PCDHA10: variants seen among roughly 807,000 people sequenced by gnomAD.
PCDHA10 encodes the protein protocadherin alpha-10.
A neutral mutation model predicts 61.2 loss-of-function variants in PCDHA10; 45 were observed. The ratio of observed to expected loss-of-function variants is 0.74; its 90% CI spans 0.58 to 0.94. PCDHA10 has a LOEUF of 0.94. PCDHA10 is among the 40% of genes least tolerant of loss of function. The pLI is 0.00. For synonymous variants in PCDHA10, 602 were observed against 548.8 expected (o/e 1.10, Z -1.35); for missense variants, 1,278 against 1,236.2 (o/e 1.03, Z -0.51).
intron 1 of PCDHA10, among the ~76,000 whole-genome samples, chr5:140,977,055 A>T (rs1220462981): frequency 1.3e-5 from 2 of 152,234 alleles, no homozygotes; most frequent in African/African-American, 4.8e-5. Flanking sequence ...CTGATGGACT[A>T]GTATAGAAAA....
At chr5:140,863,770 G>C (rs953823411) in intron 1 of PCDHA10, 1 of 240,010 alleles carries the variant, frequency 4.2e-6, no homozygotes, top group African/African-American at 2.3e-5. Context: ...AAGCCGAGGC[G>C]GGCGGATCAC....
chr5:140,969,257 A>G, intron 1 of PCDHA10: 1 of 1,614,220 alleles, frequency 6.2e-7, no homozygotes, highest in Non-Finnish European at 8.5e-7. Context: ...TGACAGCAGG[A>G]ATCTCACAGG....
At chr5:140,866,876 T>A (rs1554160645) in intron 1 of PCDHA10, 2 of 152,134 alleles carry the variant, frequency 1.3e-5, no homozygotes, top group African/African-American at 4.8e-5. Context: ...CTTCTTGGTA[T>A]TAGCCTATAC....
At chr5:141,002,726 A>C (rs1488452359) in intron 3 of PCDHA10, among the ~76,000 whole-genome samples, 1 of 152,250 alleles carries the variant, frequency 6.6e-6, no homozygotes, top group Non-Finnish European at 1.5e-5. Context: ...GGAAGGGCAC[A>C]GTAAATGTTA....
In PCDHA10 at chr5:141,011,970, C is replaced by T. The variant is rs975637071; in HGVS notation, c.*2033C>T. ...AGCATTAAATTTAAAAAAAAACTGT[C>T]TTGTCTACTTTTAGCTTCATTCTCC... On this transcript the variant is annotated 3_prime_UTR_variant, in exon 4 of 4. Coordinates refer to ENST00000307360, the MANE Select transcript of PCDHA10 (RefSeq NM_018901.4). 6.5e-6 allele frequency: 1 copy of T among 153,576 alleles called. No homozygotes were observed. Among genetic ancestry groups the T allele is most frequent in the African/African-American group, 2.4e-5 (1 of 41,406 alleles). The allele number at this position is 153,576 out of a possible 1,614,324, so 9.5% of individuals were successfully genotyped here.
intron 1 of PCDHA10, chr5:140,870,093 A>G (rs1554163808): frequency 6.8e-6 from 11 of 1,613,930 alleles, no homozygotes; most frequent in Non-Finnish European, 9.3e-6. Context: ...CCCCAATGGC[A>G]GGTCACTGTA....
chr5:140,943,574 G>C (rs1424164723), intron 1 of PCDHA10, among the ~76,000 whole-genome samples: 1 of 152,154 alleles, frequency 6.6e-6, no homozygotes, highest in African/African-American at 2.4e-5. Context: ...TTAATTTGTT[G>C]ATCTGAGTGG....
At chr5:140,922,107 T>C (rs1250364037) in intron 1 of PCDHA10, among the ~76,000 whole-genome samples, 1 of 152,028 alleles carries the variant, frequency 6.6e-6, no homozygotes, top group East Asian at 1.9e-4. Context: ...TATAGATAAA[T>C]GAAAATTCAC....
At chr5:140,955,929 C>T (rs567378851) in intron 1 of PCDHA10, among the ~76,000 whole-genome samples, 1 of 152,252 alleles carries the variant, frequency 6.6e-6, no homozygotes, top group East Asian at 1.9e-4. Flanking sequence ...GGAGTTCATT[C>T]ATAATATGGC....
At chr5:140,986,181 G>A (rs531382269) in intron 3 of PCDHA10, among the ~76,000 whole-genome samples, 1 of 152,152 alleles carries the variant, frequency 6.6e-6, no homozygotes, top group Admixed American at 6.6e-5. Flanking sequence ...AACAAGTCAG[G>A]CATTAAATTG....
At position 140,875,743 on chromosome 5, in the gene PCDHA10, G is replaced by T. The variant is rs782705899; in HGVS notation, c.2388+17307G>T. ...CATTTTGTTTGTGAATTCTCGGATCGACCGCGAGAAGCTGTGCGGGCGGAG... is the reference window on the plus strand; with the variant it reads ...CATTTTGTTTGTGAATTCTCGGATCTACCGCGAGAAGCTGTGCGGGCGGAG... On this transcript the variant is annotated intron_variant, in intron 1 of 3. Coordinates refer to ENST00000307360, the MANE Select transcript of PCDHA10 (RefSeq NM_018901.4). 1.8e-5 allele frequency: 29 copies of T among 1,614,226 alleles called. No individual in the cohort carries two copies. The highest frequency in any genetic ancestry group is 2.2e-5 in the Non-Finnish European group (26 of 1,180,038).
chr5:140,945,079 T>C (rs1554216701), intron 1 of PCDHA10, among the ~76,000 whole-genome samples: 1 of 152,126 alleles, frequency 6.6e-6, no homozygotes, highest in South Asian at 2.1e-4. Context: ...ACCAAAACAC[T>C]CTTGGAACTA....
rs73793533 is a variant in PCDHA10 at position 140,949,932 on chromosome 5, T to A, written c.2389-29017T>A. On this transcript the variant is annotated intron_variant, in intron 1 of 3. Transcript: ENST00000307360. Reference sequence around the variant, plus strand: ...GATATAACTATTTTTAGATTTTTTTTAATTTGCATTTTTTAGTGGTTGCTG... The same window carrying A: ...GATATAACTATTTTTAGATTTTTTTAAATTTGCATTTTTTAGTGGTTGCTG... Among the ~76,000 whole-genome samples, 1,356 of 151,758 alleles carry A rather than the reference T, an allele frequency of 8.9e-3. 15 individuals carry two copies. The highest frequency in any genetic ancestry group is 0.032 in the African/African-American group (1,309 of 41,514).
intron 3 of PCDHA10, among the ~76,000 whole-genome samples, chr5:140,997,912 A>G (rs2097790316): frequency 6.6e-6 from 1 of 152,224 alleles, no homozygotes; most frequent in Admixed American, 6.5e-5. Flanking sequence ...GTAGAATTAC[A>G]GAATCATAGG....
rs188637090 is a variant in PCDHA10 at position 140,876,765 on chromosome 5, C to T, written c.2388+18329C>T. 1,055 of 1,614,234 alleles carry T rather than the reference C, an allele frequency of 6.5e-4. 5 individuals are homozygous for T. The African/African-American group carries it at 0.01, about 15-fold the overall frequency. ...TGGTGGTGACTGCGCGGGATGGGGG[C>T]TCGCCTTCGCTGTGGGCCACGGCTA... On this transcript the variant is annotated intron_variant, in intron 1 of 3. Transcript: ENST00000307360.
intron 1 of PCDHA10, among the ~76,000 whole-genome samples, chr5:140,954,720 T>C (rs1255262640): frequency 1.3e-5 from 2 of 152,168 alleles, no homozygotes; most frequent in African/African-American, 4.8e-5. Context: ...ATTCTGTAGG[T>C]TGTCTTTTCA....
intron 3 of PCDHA10, among the ~76,000 whole-genome samples, chr5:140,991,361 G>C (rs1183124741): frequency 6.6e-6 from 1 of 152,200 alleles, no homozygotes; most frequent in Non-Finnish European, 1.5e-5. Context: ...ACTATTTACT[G>C]TCTGAGTTCT....
At chr5:140,875,286 G>GA (rs1582198607) in intron 1 of PCDHA10, 2 of 1,381,840 alleles carry the variant, frequency 1.4e-6, no homozygotes, top group South Asian at 3.3e-5. Flanking sequence ...GGTGAAACAG[G>GA]AAAATTTTTT....
rs529382424 is a variant in PCDHA10 at position 140,924,810 on chromosome 5, G to A, written c.2389-54139G>A. 4.8e-4 allele frequency among the ~76,000 whole-genome samples: 73 copies of A among 151,660 alleles called. No homozygotes were observed. The South Asian group carries it at 9.2e-3, about 19-fold the overall frequency. ...CTTAGGAGGCTGAGGCAAGAGAATC[G>A]CTTGAACCTGGGAGGGGGAGGTTGC... On this transcript the variant is annotated intron_variant, in intron 1 of 3. Transcript: ENST00000307360.
Sources: gnomAD v4.1 joint callset for allele counts (sites outside exome capture counted in the v4.1 genomes callset) on GRCh38, gnomAD v4.1.1 for gene constraint, MANE v1.5 for transcripts, NCBI Gene and HGNC (gene_info 2026-07-23, HGNC 2026-07-21) for gene names.